RGR: variants seen among roughly 807,000 people sequenced by gnomAD.
RGR encodes retinal G protein coupled receptor.
RGR carries 30 observed loss-of-function variants against 28.6 expected under a neutral mutation model. The ratio of observed to expected loss-of-function variants is 1.05; its 90% CI spans 0.78 to 1.42. RGR has a LOEUF of 1.42. Among genes scored for constraint, RGR ranks in the 40% most tolerant of loss-of-function variants. The probability of loss-of-function intolerance (pLI) is 0.00; values close to 1 mark genes in which losing one functional copy is unlikely to be tolerated. For missense variants in RGR, 404 were observed against 375.6 expected, an observed-to-expected ratio of 1.08 and a Z score of -0.62; for synonymous variants, 180 against 156.4, an observed-to-expected ratio of 1.15 and a Z score of -1.13.
At chr10:84,258,083 A>G (rs1842910424) in intron 6 of RGR, 77 bp downstream of exon 6, 2 of 1,237,402 alleles carry the variant, frequency 1.6e-6, no homozygotes, top group Non-Finnish European at 2.3e-6. Context: ...CACTTTCTGG[A>G]TTTATGACCT....
Position 84,259,956 on chromosome 10 carries a change from G to A in RGR, c.*1317G>A, listed in dbSNP as rs1842931976. The A allele has an allele frequency of 6.6e-6, 1 of 152,064 alleles. No individual in the cohort carries two copies. Among genetic ancestry groups the A allele is most frequent in the Non-Finnish European group, 1.5e-5 (1 of 68,002 alleles). The allele number at this position is 152,064 out of a possible 1,614,324, so 9.4% of individuals were successfully genotyped here. The stretch of plus-strand genomic sequence containing the variant: ...TTTTTAGTTTAATTAAGTCCCATTT[G>A]TCTATTTTTGGTTTTGTTGCTTGTG... On this transcript the variant is annotated 3_prime_UTR_variant, in exon 7 of 7. Transcript: ENST00000652092.
In RGR at chr10:84,254,286, C is replaced by A. The variant is rs752216154; in HGVS notation, c.513-40C>A. The A allele has an allele frequency of 8.8e-5, 138 of 1,574,254 alleles. No homozygotes were observed. The South Asian group carries it at 1.1e-3, about 12-fold the overall frequency. ...GGTCCTTGAGGGCAGCTGGCCATCC[C>A]TGAGAGCTAACCCCAATCCTCCACC... On this transcript the variant is annotated intron_variant, in intron 4 of 6. Coordinates refer to ENST00000652092, the MANE Select transcript of RGR (RefSeq NM_001012720.2).
intron 3 of RGR, chr10:84,250,271 G>T: frequency 1.4e-6 from 1 of 701,856 alleles, no homozygotes. Context: ...TCAAACCATG[G>T]CATGTCCTCT....
In RGR at chr10:84,258,553, A is replaced by C. The variant is rs142268655; in HGVS notation, c.790A>C (p.Asn264His). ...AKMVPTINAINYALGNEMVCR... is the reference protein window; with the variant it reads ...AKMVPTINAIHYALGNEMVCR... ...AATGGTGCCCACGATCAATGCCATC[A>C]ACTATGCCCTGGGCAATGAGATGGT... The change falls in exon 7 of 7, where the codon AAC (asparagine) becomes CAC (histidine). Residue 264 changes from asparagine to histidine, a missense_variant. Transcript: ENST00000652092. The C allele has an allele frequency of 3.5e-5, 57 of 1,614,064 alleles. No individual in the cohort carries two copies. Among genetic ancestry groups the C allele is most frequent in the Non-Finnish European group, 4.8e-5 (57 of 1,180,050 alleles).
intron 1 of RGR, among the ~76,000 whole-genome samples, chr10:84,245,972 G>A (rs1842741799): frequency 6.6e-6 from 1 of 152,182 alleles, no homozygotes; most frequent in Non-Finnish European, 1.5e-5. Context: ...CTCACCTAAT[G>A]AGAACTGACA....
At chr10:84,245,550 G>T (rs926800038) in intron 1 of RGR, among the ~76,000 whole-genome samples, 4 of 152,152 alleles carry the variant, frequency 2.6e-5, no homozygotes, top group South Asian at 4.1e-4. Flanking sequence ...CCCCCAAAAG[G>T]CTCTGGGGAC....
chr10:84,251,633 C>T (rs1842819676), intron 3 of RGR, among the ~76,000 whole-genome samples: 1 of 152,212 alleles, frequency 6.6e-6, no homozygotes, highest in African/African-American at 2.4e-5. Flanking sequence ...CAACCTCCGC[C>T]TTCTGGGTTC....
intron 5 of RGR, chr10:84,255,394 G>C (rs1166921543): frequency 6.6e-6 from 1 of 152,218 alleles, no homozygotes; most frequent in Non-Finnish European, 1.5e-5. Context: ...AAGGATGTGA[G>C]GTTTGGCACA....
intron 5 of RGR, among the ~76,000 whole-genome samples, chr10:84,257,581 A>G (rs984210283): frequency 1.6e-4 from 25 of 152,222 alleles, no homozygotes; most frequent in African/African-American, 5.3e-4. Context: ...TTTGACAAAC[A>G]AAGAGTACAG....
chr10:84,258,477 G>C (rs1032748548), intron 6 of RGR, 31 bp from the exon 7 acceptor site: 5 of 1,614,114 alleles, frequency 3.1e-6, no homozygotes, highest in Non-Finnish European at 4.2e-6. Flanking sequence ...TGGCTTTGAA[G>C]CTTCTTTTCT....
intron 5 of RGR, among the ~76,000 whole-genome samples, 189 bp downstream of exon 5, chr10:84,254,632 G>A (rs1258533650): frequency 6.6e-6 from 1 of 152,212 alleles, no homozygotes; most frequent in Non-Finnish European, 1.5e-5. Flanking sequence ...TCTGCGAAGT[G>A]AGATCAGCAC....
intron 5 of RGR, among the ~76,000 whole-genome samples, chr10:84,256,555 T>C (rs1440164675): frequency 6.6e-6 from 1 of 152,128 alleles, no homozygotes; most frequent in Non-Finnish European, 1.5e-5. Context: ...TTATTGTAAA[T>C]TGGAAAAGGA....
At chr10:84,251,313 G>A (rs781691474) in intron 3 of RGR, among the ~76,000 whole-genome samples, 3 of 152,076 alleles carry the variant, frequency 2.0e-5, no homozygotes, top group South Asian at 2.1e-4. Context: ...CGTAATTATC[G>A]TGCCCACAGT....
chr10:84,248,135 A>T, intron 2 of RGR: 1 of 832,332 alleles, frequency 1.2e-6, no homozygotes, highest in East Asian at 5.2e-5. Context: ...ACTTAAAATA[A>T]TGCTTGATAC....
At chr10:84,248,578 GT>G in intron 2 of RGR, 1 of 402,650 alleles carries the variant, frequency 2.5e-6, no homozygotes, top group Middle Eastern at 7.5e-4. Context: ...CATCTTCTGT[GT>G]GACCTTGGCT....
chr10:84,252,793 T>C (rs1589333280), intron 3 of RGR, 64 bp from the exon 4 acceptor site: 1 of 1,598,790 alleles, frequency 6.3e-7, no homozygotes, highest in East Asian at 2.2e-5. Flanking sequence ...GGAAGTCCAT[T>C]CTTTCTCACT....
intron 5 of RGR, chr10:84,255,588 G>A (rs1230738605): frequency 1.3e-5 from 2 of 152,088 alleles, no homozygotes; most frequent in South Asian, 2.1e-4. Flanking sequence ...CCCTTGCCAC[G>A]GTTTTATTTT....
chr10:84,245,477 C>T (rs1232511864), intron 1 of RGR, among the ~76,000 whole-genome samples: 1 of 152,096 alleles, frequency 6.6e-6, no homozygotes, highest in East Asian at 1.9e-4. Context: ...CATGTCCCTC[C>T]AGCCGGGAGA....
At chr10:84,253,146 A>C in intron 4 of RGR, 136 bp downstream of exon 4, 2 of 1,004,580 alleles carry the variant, frequency 2.0e-6, no homozygotes, top group Non-Finnish European at 2.9e-6. Context: ...CTTCTTAATC[A>C]TGATACCCAC....
Sources: allele counts gnomAD v4.1 joint callset (sites outside exome capture counted in the v4.1 genomes callset), GRCh38; gene constraint gnomAD v4.1.1; transcripts MANE v1.5; gene names NCBI Gene and HGNC (gene_info 2026-07-23, HGNC 2026-07-21).